NCOA2: variants seen among roughly 807,000 people sequenced by gnomAD.
NCOA2 encodes the protein class E basic helix-loop-helix protein 75.
In NCOA2, 21 loss-of-function variants were observed where a neutral mutation model predicts 145.1. That is an observed-to-expected ratio of 0.14 (90% CI 0.10 to 0.21). NCOA2 has a LOEUF of 0.21. Ranked by LOEUF, NCOA2 falls within the 10% of genes least tolerant of loss-of-function variation. The pLI is 1.00. For missense variants in NCOA2, 1,472 were observed against 1,837.6 expected, an observed-to-expected ratio of 0.80 and a Z score of 3.64; for synonymous variants, 619 against 637.5, an observed-to-expected ratio of 0.97 and a Z score of 0.44.
chr8:70,421,725 T>G, the NCOA2 span, among the ~76,000 whole-genome samples: 2 of 151,974 alleles, frequency 1.3e-5, no homozygotes, highest in Non-Finnish European at 2.9e-5. Context: ...CTTTGCTATT[T>G]AGATGCATAC....
intron 22 of NCOA2, among the ~76,000 whole-genome samples, chr8:70,119,732 C>T (rs1403023404): frequency 6.6e-6 from 1 of 152,092 alleles, no homozygotes; most frequent in African/African-American, 2.4e-5. Flanking sequence ...TTAATAATAG[C>T]CATTCTGACT....
the NCOA2 span, among the ~76,000 whole-genome samples, chr8:70,441,794 A>AAGAAAAGAAAGAAG: frequency 6.1e-5 from 1 of 16,478 alleles, no homozygotes; most frequent in Non-Finnish European, 2.7e-4. Flanking sequence ...GAAAGAAAGA[A>AAGAAAAGAAAGAAG]AGAAAGAAAG....
chr8:70,220,756 T>C (rs1056815253), intron 2 of NCOA2, among the ~76,000 whole-genome samples: 7 of 152,244 alleles, frequency 4.6e-5, no homozygotes, highest in African/African-American at 1.7e-4. Context: ...CATTAAAGCT[T>C]GTTAATCATC....
At chr8:70,251,360 G>A (rs946944793) in intron 2 of NCOA2, among the ~76,000 whole-genome samples, 2 of 152,138 alleles carry the variant, frequency 1.3e-5, no homozygotes, top group African/African-American at 2.4e-5. Flanking sequence ...TTCTAAATAC[G>A]ACTCTGCCAA....
At chr8:70,169,906 A>ATCG (rs1315435694) in intron 6 of NCOA2, among the ~76,000 whole-genome samples, 1 of 150,092 alleles carries the variant, frequency 6.7e-6, no homozygotes, top group East Asian at 1.9e-4. Flanking sequence ...CATCATCATC[A>ATCG]TCATCATCAT....
intron 5 of NCOA2, 40 bp downstream of exon 5, chr8:70,174,716 C>G: frequency 6.5e-7 from 1 of 1,536,076 alleles, no homozygotes; most frequent in Non-Finnish European, 9.0e-7. Flanking sequence ...TGAAGATCAA[C>G]AAGATTTTAA....
intron 15 of NCOA2, among the ~76,000 whole-genome samples, chr8:70,133,440 G>T (rs1042342606): frequency 5.3e-5 from 8 of 151,954 alleles, no homozygotes; most frequent in Non-Finnish European, 1.2e-4. Flanking sequence ...GCCCAGGCTG[G>T]TCTCGAACTC....
chr8:70,190,102 C>A (rs1563592978), intron 4 of NCOA2, among the ~76,000 whole-genome samples: 1 of 151,916 alleles, frequency 6.6e-6, no homozygotes, highest in African/African-American at 2.4e-5. Context: ...TATAACAGCT[C>A]AAAAAAATTT....
At chr8:70,393,415 T>G (rs1043027095) in intron 1 of NCOA2, among the ~76,000 whole-genome samples, 4 of 152,166 alleles carry the variant, frequency 2.6e-5, no homozygotes, top group African/African-American at 7.2e-5. Context: ...CAAGTGAGCA[T>G]CTAGGGCCTC....
intron 4 of NCOA2, among the ~76,000 whole-genome samples, chr8:70,211,797 C>T (rs940723362): frequency 2.0e-5 from 3 of 152,070 alleles, no homozygotes; most frequent in Non-Finnish European, 4.4e-5. Flanking sequence ...TTATGCTTTT[C>T]GTTTTTTCAT....
chr8:70,438,190 T>C, the NCOA2 span, among the ~76,000 whole-genome samples: 1 of 152,242 alleles, frequency 6.6e-6, no homozygotes, highest in Non-Finnish European at 1.5e-5. Flanking sequence ...GATTTAAAAA[T>C]CACAATTACA....
At chr8:70,322,124 G>GA (rs758480416) in intron 1 of NCOA2, among the ~76,000 whole-genome samples, 526 of 149,260 alleles carry the variant, frequency 3.5e-3, no homozygotes, top group Non-Finnish European at 5.2e-3. Context: ...TCCAGAGGGG[G>GA]AAAAAAAAAC....
chr8:70,300,648 C>A (rs1827415401), intron 1 of NCOA2, among the ~76,000 whole-genome samples: 1 of 152,130 alleles, frequency 6.6e-6, no homozygotes. Context: ...CTCAATATTT[C>A]ATTTTATTTA....
At chr8:70,441,800 GAAAGAAAGA>G in the NCOA2 span, among the ~76,000 whole-genome samples, 432 of 137,074 alleles carry the variant, frequency 3.2e-3, 1 homozygote, top group African/African-American at 0.011. Flanking sequence ...AAGAAAGAAA[GAAAGAAAGA>G]AAGAAAGAAG....
chr8:70,435,152 G>A, the NCOA2 span, among the ~76,000 whole-genome samples: 1 of 151,978 alleles, frequency 6.6e-6, no homozygotes, highest in Non-Finnish European at 1.5e-5. Context: ...TCGGCCGGGC[G>A]CGGTGGCTCA....
chr8:70,315,951 T>C (rs1805554862), intron 1 of NCOA2, among the ~76,000 whole-genome samples: 1 of 152,124 alleles, frequency 6.6e-6, no homozygotes, highest in Non-Finnish European at 1.5e-5. Context: ...GGGTATAATA[T>C]TATGGTAGGC....
At chr8:70,116,993 C>T (rs192783980) in intron 22 of NCOA2, among the ~76,000 whole-genome samples, 148 of 152,336 alleles carry the variant, frequency 9.7e-4, no homozygotes, top group Non-Finnish European at 1.8e-3. Context: ...TGACTACAAG[C>T]GTGCCACCCA....
intron 1 of NCOA2, among the ~76,000 whole-genome samples, chr8:70,391,392 G>A (rs552404729): frequency 3.3e-5 from 5 of 152,080 alleles, no homozygotes; most frequent in Non-Finnish European, 7.4e-5. Context: ...GTTGTTAGAC[G>A]GTAAATGTCT....
At chr8:70,365,714 G>C (rs1810630619) in intron 1 of NCOA2, among the ~76,000 whole-genome samples, 1 of 152,150 alleles carries the variant, frequency 6.6e-6, no homozygotes, top group Non-Finnish European at 1.5e-5. Flanking sequence ...AGACACCAAT[G>C]TTCTTTCTGC....
Sources: allele counts gnomAD v4.1 joint callset (sites outside exome capture counted in the v4.1 genomes callset), GRCh38; gene constraint gnomAD v4.1.1; transcripts MANE v1.5; gene names NCBI Gene and HGNC (gene_info 2026-07-23, HGNC 2026-07-21).